LMF1: variants seen among roughly 807,000 people sequenced by gnomAD.
LMF1 encodes the protein lipase maturation factor 1.
A neutral mutation model predicts 60.6 loss-of-function variants in LMF1; 68 were observed. The observed-to-expected ratio is 1.12, with a 90% CI of 0.92 to 1.37. LMF1 has a LOEUF of 1.37. Ranked by LOEUF, LMF1 falls within the 40% of genes most tolerant of loss-of-function variation. The pLI is 0.00. For synonymous variants in LMF1, 418 were observed against 324.7 expected (o/e 1.29, Z -3.09); for missense variants, 948 against 767.2 (o/e 1.24, Z -2.78).
intron 2 of LMF1, among the ~76,000 whole-genome samples, chr16:947,036 G>C (rs73483862): frequency 6.6e-6 from 1 of 152,230 alleles, no homozygotes; most frequent in Non-Finnish European, 1.5e-5. Flanking sequence ...CTAGGCAGGA[G>C]TCAGATATCA....
intron 3 of LMF1, among the ~76,000 whole-genome samples, chr16:916,887 T>TACTCA (rs2071293243): frequency 6.6e-6 from 1 of 152,232 alleles, no homozygotes; most frequent in African/African-American, 2.4e-5. Context: ...GCAGATCCTC[T>TACTCA]GAGTGTTGAG....
upstream of LMF1, among the ~76,000 whole-genome samples, chr16:973,601 C>G (rs1182350623): frequency 2.6e-5 from 4 of 152,198 alleles, no homozygotes; most frequent in Non-Finnish European, 4.4e-5. Context: ...TGAGAATCTT[C>G]TGGAACTAGG....
At chr16:980,393 G>C in intron 1 of LMF1, 1 of 152,816 alleles carries the variant, frequency 6.5e-6, no homozygotes, top group Non-Finnish European at 1.5e-5. Flanking sequence ...CGGTGCGCTG[G>C]CAGGAAGCGG....
intron 3 of LMF1, among the ~76,000 whole-genome samples, chr16:914,645 C>A (rs1268243003): frequency 6.8e-6 from 1 of 146,294 alleles, no homozygotes; most frequent in Non-Finnish European, 1.5e-5. Context: ...CACTCCCTCC[C>A]TCCTCATGAC....
chr16:931,795 T>C (rs2071794008), intron 3 of LMF1: 1 of 1,285,946 alleles, frequency 7.8e-7, no homozygotes, highest in Admixed American at 2.3e-5. Flanking sequence ...GCTGAGCCGC[T>C]GCAGGGTCAG....
At chr16:964,006 C>A in intron 1 of LMF1, 1 of 455,938 alleles carries the variant, frequency 2.2e-6, no homozygotes, top group Non-Finnish European at 4.4e-6. Context: ...GCAGCAGAGC[C>A]ATGGCGGCCA....
At chr16:977,996 ACACACACAC>A (rs1434761885) in intron 1 of LMF1, among the ~76,000 whole-genome samples, 1 of 133,898 alleles carries the variant, frequency 7.5e-6, no homozygotes, top group East Asian at 2.2e-4. Flanking sequence ...ATACACGCAC[ACACACACAC>A]CACACACACA....
chr16:917,584 G>A (rs543841798), intron 3 of LMF1, among the ~76,000 whole-genome samples: 13 of 152,342 alleles, frequency 8.5e-5, no homozygotes, highest in South Asian at 2.1e-4. Flanking sequence ...GGCAGGTGCC[G>A]TTCTAGGGGC....
intron 2 of LMF1, among the ~76,000 whole-genome samples, chr16:949,282 G>C (rs200610512): frequency 0.025 from 3,450 of 137,894 alleles, 305 homozygotes; most frequent in Admixed American, 0.039. Context: ...GACAACGACA[G>C]AGTCAGCCAA....
intron 2 of LMF1, among the ~76,000 whole-genome samples, chr16:944,699 T>C (rs12926731): frequency 0.26 from 38,994 of 152,096 alleles, 6,040 homozygotes; most frequent in African/African-American, 0.41. Context: ...TTTTAAAGTA[T>C]TGTTTCAATG....
At chr16:912,149 T>G (rs1158699435) in intron 3 of LMF1, among the ~76,000 whole-genome samples, 2 of 152,068 alleles carry the variant, frequency 1.3e-5, no homozygotes, top group African/African-American at 4.8e-5. Flanking sequence ...ATGACAACGA[T>G]CACATGACTC....
chr16:973,473 C>T (rs2073084118), upstream of LMF1, among the ~76,000 whole-genome samples: 1 of 152,340 alleles, frequency 6.6e-6, no homozygotes, highest in East Asian at 1.9e-4. Context: ...AGCCCATTTA[C>T]ATGAAATGTC....
intron 3 of LMF1, among the ~76,000 whole-genome samples, chr16:918,673 C>A (rs2071344056): frequency 6.6e-6 from 1 of 152,086 alleles, no homozygotes; most frequent in Non-Finnish European, 1.5e-5. Flanking sequence ...GGGTGTGCCT[C>A]AAGGGCCCCG....
chr16:954,062 G>GCCTCTTACACGTCCACACAGACACCC (rs1567312834), intron 2 of LMF1, among the ~76,000 whole-genome samples: 5 of 110,746 alleles, frequency 4.5e-5, no homozygotes, highest in Non-Finnish European at 9.7e-5. Flanking sequence ...CACAGACACA[G>GCCTCTTACACGTCCACACAGACACCC]ACCCACTGCT....
chr16:914,853 A>T (rs1405247274), intron 3 of LMF1, among the ~76,000 whole-genome samples: 1 of 142,060 alleles, frequency 7.0e-6, no homozygotes, highest in African/African-American at 2.7e-5. Flanking sequence ...CATTGGTGAC[A>T]AAATTTTACT....
chr16:931,982 C>G (rs1012616963), intron 3 of LMF1, among the ~76,000 whole-genome samples: 4 of 152,244 alleles, frequency 2.6e-5, no homozygotes, highest in African/African-American at 9.6e-5. Flanking sequence ...ACTGACTTCC[C>G]TGGGCTGGGA....
intron 7 of LMF1, 137 bp from the exon 8 acceptor site, chr16:871,019 C>G (rs913466870): frequency 4.3e-6 from 6 of 1,403,402 alleles, no homozygotes; most frequent in African/African-American, 1.4e-5. Flanking sequence ...ACTCACACAC[C>G]TTGTTCCTGG....
intron 3 of LMF1, among the ~76,000 whole-genome samples, chr16:916,209 C>A (rs2071275221): frequency 6.6e-6 from 1 of 152,094 alleles, no homozygotes; most frequent in South Asian, 2.1e-4. Context: ...ATTTTAGTTA[C>A]TTAGGGAGAG....
intron 4 of LMF1, among the ~76,000 whole-genome samples, chr16:895,200 C>T (rs2070628871): frequency 1.3e-5 from 2 of 152,054 alleles, no homozygotes; most frequent in South Asian, 2.1e-4. Context: ...GAGCAGGGGC[C>T]GGAGCTGCTG....
Sources: allele counts gnomAD v4.1 joint callset (sites outside exome capture counted in the v4.1 genomes callset), GRCh38; gene constraint gnomAD v4.1.1; transcripts MANE v1.5; gene names NCBI Gene and HGNC (gene_info 2026-07-23, HGNC 2026-07-21).